The following DNAJC8 variants were observed in gnomAD, a reference collection of about 807,000 sequenced individuals.
DNAJC8 encodes dnaJ homolog subfamily C member 8.
DNAJC8 carries 24 observed loss-of-function variants against 43.2 expected under a neutral mutation model. The ratio of observed to expected loss-of-function variants is 0.56; its 90% CI spans 0.40 to 0.78. The LOEUF (loss-of-function observed/expected upper bound fraction) is 0.78, where lower values mean the gene tolerates loss of function less well. Ranked by LOEUF, DNAJC8 falls within the 30% of genes least tolerant of loss-of-function variation. DNAJC8 has a pLI of 0.00. For missense variants in DNAJC8, 207 were observed against 299.4 expected (o/e 0.69, Z 2.28); for synonymous variants, 83 against 98.0 (o/e 0.85, Z 0.90).
intron 2 of DNAJC8, among the ~76,000 whole-genome samples, chr1:28,220,260 G>A (rs1032933314): frequency 6.6e-6 from 1 of 152,226 alleles, no homozygotes; most frequent in Non-Finnish European, 1.5e-5. Flanking sequence ...GTCTTTAAGA[G>A]CTGGAGGTGC....
chr1:28,210,695 C>T, intron 3 of DNAJC8, 58 bp from the exon 4 acceptor site: 41 of 1,410,572 alleles, frequency 2.9e-5, no homozygotes, highest in Non-Finnish European at 4.1e-5. Context: ...AACTTCCAGC[C>T]TGCCCTGTCT....
Position 28,214,956 on chromosome 1 carries a change from T to C in DNAJC8, c.221A>G (p.Lys74Arg), listed in dbSNP as rs1231952326. ...IDPEVTDEEI[K>R]KRFRQLSILV... ...GTACTGTACCTGCCGAAACCTCTTT[T>C]TTATTTCTTCATCTGTAACTTCAGG... Residue 74 changes from lysine (K) to arginine (R), a missense_variant, in exon 3 of 9, where the codon AAA (lysine) becomes AGA (arginine). Physicochemically the swap from Lys to Arg is conservative, Grantham distance 26. Around this residue, in one of 2 missense-constraint regions of DNAJC8, gnomAD observed 159 missense variants for 267.5 expected, o/e 0.59. Transcript: ENST00000263697. 1.9e-6 allele frequency: 3 copies of C among 1,609,472 alleles called. No individual in the cohort carries two copies. The highest frequency in any genetic ancestry group is 2.5e-6 in the Non-Finnish European group (3 of 1,177,754).
At chr1:28,204,026 G>A (rs1410533013) in intron 7 of DNAJC8, among the ~76,000 whole-genome samples, 1 of 152,138 alleles carries the variant, frequency 6.6e-6, no homozygotes, top group African/African-American at 2.4e-5. Flanking sequence ...GCATGGCTGT[G>A]GGGAAAGACA....
At chr1:28,209,139 T>G (rs1051595694) in intron 5 of DNAJC8, among the ~76,000 whole-genome samples, 2 of 152,184 alleles carry the variant, frequency 1.3e-5, no homozygotes, top group Non-Finnish European at 2.9e-5. Context: ...TGTCAGGCAC[T>G]TTCCCTATTT....
In DNAJC8 at chr1:28,216,493, G is replaced by C. The variant is rs1389706220; in HGVS notation, c.181-1497C>G. On this transcript the variant is annotated intron_variant, in intron 2 of 8. Coordinates refer to ENST00000263697, the MANE Select transcript of DNAJC8 (RefSeq NM_014280.3). ...CCCTCACAAAAAAAGCCTCTGATAAGATTATAGCTTACAACTAATCATGCC... is the reference window on the plus strand; with the variant it reads ...CCCTCACAAAAAAAGCCTCTGATAACATTATAGCTTACAACTAATCATGCC... Among the ~76,000 whole-genome samples the C allele has an allele frequency of 2.6e-5, 4 of 152,132 alleles. No individual in the cohort carries two copies. In the East Asian group the frequency reaches 7.7e-4, roughly 29 times the overall value.
chr1:28,208,544 AGAGCCCCTCCCCTCCCTCCTC>A, intron 5 of DNAJC8, 131 bp from the exon 6 acceptor site: 1 of 438,488 alleles, frequency 2.3e-6, no homozygotes, highest in Non-Finnish European at 3.9e-6. Context: ...AAAAAAAAAA[AGAGCCCCTCCCCTCCCTCCTC>A]AAAAGAACAA....
At chr1:28,207,124 T>A (rs1318516693) in intron 6 of DNAJC8, among the ~76,000 whole-genome samples, 1 of 151,258 alleles carries the variant, frequency 6.6e-6, no homozygotes, top group Non-Finnish European at 1.5e-5. Context: ...ACGCCTGTAA[T>A]CCCAGCACTT....
intron 1 of DNAJC8, among the ~76,000 whole-genome samples, chr1:28,231,880 G>T (rs1235677991): frequency 6.6e-6 from 1 of 151,332 alleles, no homozygotes; most frequent in Non-Finnish European, 1.5e-5. Context: ...CCATTCTCCT[G>T]CCTCAGCCTC....
chr1:28,201,031 AG>A lies in DNAJC8; in HGVS notation c.*216del. 1 of 601,770 alleles carries A rather than the reference AG, an allele frequency of 1.7e-6. No homozygotes were observed. Among genetic ancestry groups the A allele is most frequent in the Admixed American group, 3.2e-5 (1 of 31,644 alleles). 37.3% of individuals were successfully genotyped at this position (601,770 alleles called of 1,614,324 possible). On this transcript the variant is annotated 3_prime_UTR_variant, in exon 9 of 9. Transcript: ENST00000263697. ...GGCACCTTCTAATACTGGTTGTTCT[AG>A]GGGCAGGGAGAGGGAAAGGTCTTTT...
intron 7 of DNAJC8, 152 bp from the exon 8 acceptor site, chr1:28,203,974 T>C: frequency 1.4e-6 from 1 of 725,668 alleles, no homozygotes; most frequent in Non-Finnish European, 2.3e-6. Flanking sequence ...CTCATAGCAT[T>C]TTCATGAATG....
chr1:28,205,937 G>A (rs924614959), intron 6 of DNAJC8, among the ~76,000 whole-genome samples: 15 of 152,024 alleles, frequency 9.9e-5, no homozygotes, highest in African/African-American at 3.4e-4. Flanking sequence ...TAGATCCAGC[G>A]TTTCAAGAGG....
intron 2 of DNAJC8, among the ~76,000 whole-genome samples, chr1:28,220,676 G>A (rs1646892608): frequency 6.6e-6 from 1 of 152,104 alleles, no homozygotes; most frequent in Non-Finnish European, 1.5e-5. Flanking sequence ...GTTGCATTGG[G>A]ATTAAATTTC....
At chr1:28,216,306 G>A (rs1347163627) in intron 2 of DNAJC8, among the ~76,000 whole-genome samples, 3 of 152,206 alleles carry the variant, frequency 2.0e-5, no homozygotes, top group South Asian at 4.1e-4. Flanking sequence ...AATAGGAAGA[G>A]CGAAGTCACG....
At chr1:28,208,654 A>G (rs750821069) in intron 5 of DNAJC8, 3 of 297,830 alleles carry the variant, frequency 1.0e-5, no homozygotes, top group Non-Finnish European at 1.9e-5. Flanking sequence ...AGAATGAAAG[A>G]TGAAAGGGGA....
At position 28,210,302 on chromosome 1, in the gene DNAJC8, T is replaced by C. The variant is rs1572062012; in HGVS notation, c.305-236A>G. ...TACACTACATCTGGATTTAATTCAG[T>C]GATAAAATTCTTTATGTTCAAAGAA... On this transcript the variant is annotated intron_variant, in intron 4 of 8. Coordinates refer to ENST00000263697, the MANE Select transcript of DNAJC8 (RefSeq NM_014280.3). The C allele has an allele frequency of 2.3e-5, 13 of 561,734 alleles. No homozygotes were observed. The East Asian group carries it at 3.5e-4, about 15-fold the overall frequency. The allele number at this position is 561,734 out of a possible 1,614,324, so 34.8% of individuals were successfully genotyped here. A position where few individuals can be genotyped will look rare whatever the true frequency, so the allele number is the denominator to read the frequency against.
chr1:28,229,689 G>A (rs1572072632), intron 1 of DNAJC8, among the ~76,000 whole-genome samples: 1 of 151,580 alleles, frequency 6.6e-6, no homozygotes, highest in Admixed American at 6.6e-5. Flanking sequence ...CAGGAGAATC[G>A]CTTGAACCCC....
At chr1:28,215,516 A>T (rs1253923856) in intron 2 of DNAJC8, among the ~76,000 whole-genome samples, 6 of 151,746 alleles carry the variant, frequency 4.0e-5, no homozygotes, top group African/African-American at 1.2e-4. Context: ...GAGCAGGGGT[A>T]GGGCCAATAG....
chr1:28,211,648 G>A (rs1239513009), intron 3 of DNAJC8, among the ~76,000 whole-genome samples: 3 of 152,154 alleles, frequency 2.0e-5, no homozygotes, highest in Non-Finnish European at 4.4e-5. Flanking sequence ...CAGACCTTCT[G>A]AGTTAGTCTT....
intron 2 of DNAJC8, among the ~76,000 whole-genome samples, chr1:28,223,578 T>C (rs556249719): frequency 2.4e-4 from 36 of 152,060 alleles, no homozygotes; most frequent in Non-Finnish European, 3.5e-4. Flanking sequence ...AGATATTAAA[T>C]TCTGTAGGAG....
Sources: allele counts gnomAD v4.1 joint callset (sites outside exome capture counted in the v4.1 genomes callset), GRCh38; gene constraint gnomAD v4.1.1; regional missense constraint gnomAD v4.1.1; transcripts MANE v1.5; gene names NCBI Gene and HGNC (gene_info 2026-07-23, HGNC 2026-07-21).